CORIN: variants seen among roughly 807,000 people sequenced by gnomAD.
The protein encoded by CORIN is corin, serine peptidase.
Under a neutral mutation model 125.3 loss-of-function variants are expected in CORIN, and 117 were observed. The ratio of observed to expected loss-of-function variants is 0.93; its 90% CI spans 0.80 to 1.09. The LOEUF is 1.09. Among genes scored for constraint, CORIN ranks in the 50% least tolerant of loss-of-function variants. CORIN has a pLI of 0.00. For synonymous variants in CORIN, 450 were observed against 466.4 expected (o/e 0.96, Z 0.45); for missense variants, 1,253 against 1,306.7 (o/e 0.96, Z 0.63).
chr4:47,665,488 GACA>G (rs1311375388), intron 10 of CORIN, among the ~76,000 whole-genome samples: 1 of 152,148 alleles, frequency 6.6e-6, no homozygotes, highest in Non-Finnish European at 1.5e-5. Context: ...CTAGCACTGT[GACA>G]ACATCTTGCT....
chr4:47,834,882 C>G (rs1733302402), intron 1 of CORIN, among the ~76,000 whole-genome samples: 1 of 152,194 alleles, frequency 6.6e-6, no homozygotes, highest in African/African-American at 2.4e-5. Flanking sequence ...AGTGTCCTTA[C>G]CAGTGGTCAG....
chr4:47,622,863 A>G (rs539396724), intron 19 of CORIN, among the ~76,000 whole-genome samples: 1 of 152,152 alleles, frequency 6.6e-6, no homozygotes, highest in Non-Finnish European at 1.5e-5. Context: ...TTTGTTTGTC[A>G]TCATTGTTTT....
intron 3 of CORIN, among the ~76,000 whole-genome samples, chr4:47,774,709 G>C (rs1188147772): frequency 6.6e-6 from 1 of 152,090 alleles, no homozygotes; most frequent in Non-Finnish European, 1.5e-5. Flanking sequence ...TCATGTGCCA[G>C]ACTGTAAGAC....
intron 2 of CORIN, among the ~76,000 whole-genome samples, chr4:47,800,950 G>C (rs566594974): frequency 6.6e-6 from 1 of 152,116 alleles, no homozygotes; most frequent in African/African-American, 2.4e-5. Context: ...TTTCTCTTCA[G>C]AGTTCATCGA....
chr4:47,631,795 G>C (rs533296889), intron 16 of CORIN, among the ~76,000 whole-genome samples: 1 of 152,266 alleles, frequency 6.6e-6, no homozygotes, highest in South Asian at 2.1e-4. Flanking sequence ...AAATCATGGA[G>C]CCCAGGGCAA....
intron 1 of CORIN, among the ~76,000 whole-genome samples, chr4:47,828,639 A>G (rs1447848248): frequency 2.0e-5 from 3 of 152,194 alleles, no homozygotes; most frequent in African/African-American, 4.8e-5. Context: ...TTACATTTGC[A>G]AAGTCCCTTT....
At chr4:47,741,149 G>C (rs147919603) in intron 5 of CORIN, among the ~76,000 whole-genome samples, 1 of 151,898 alleles carries the variant, frequency 6.6e-6, no homozygotes, top group Non-Finnish European at 1.5e-5. Context: ...AACAGCCCCC[G>C]AAGAATGTAG....
intron 19 of CORIN, among the ~76,000 whole-genome samples, chr4:47,609,522 G>A (rs983345243): frequency 7.9e-5 from 12 of 152,148 alleles, no homozygotes; most frequent in Non-Finnish European, 1.5e-5. Context: ...TTATAGGTGT[G>A]AGCCACCGCA....
chr4:47,709,703 T>A (rs1307202447), intron 5 of CORIN, among the ~76,000 whole-genome samples: 9 of 152,242 alleles, frequency 5.9e-5, no homozygotes, highest in African/African-American at 1.7e-4. Flanking sequence ...ATAAGGTTTT[T>A]TTCTTACTCA....
intron 3 of CORIN, 121 bp downstream of exon 3, chr4:47,786,604 T>C (rs1296813727): frequency 1.1e-5 from 8 of 721,772 alleles, no homozygotes; most frequent in African/African-American, 1.8e-5. Flanking sequence ...ACCAGGAAAC[T>C]GAGTGGAGAT....
At chr4:47,660,093 A>ATG (rs1724176393) in intron 12 of CORIN, among the ~76,000 whole-genome samples, 1 of 152,244 alleles carries the variant, frequency 6.6e-6, no homozygotes, top group Admixed American at 6.5e-5. Flanking sequence ...GGGAAAGGAC[A>ATG]GTCTCTTCAG....
At chr4:47,803,611 C>T (rs1354068680) in intron 2 of CORIN, among the ~76,000 whole-genome samples, 2 of 152,168 alleles carry the variant, frequency 1.3e-5, no homozygotes, top group South Asian at 2.1e-4. Flanking sequence ...GCGGAAAGAA[C>T]AGTCTCTTCA....
intron 5 of CORIN, among the ~76,000 whole-genome samples, chr4:47,719,884 A>G (rs866325672): frequency 5.3e-5 from 8 of 152,214 alleles, no homozygotes; most frequent in Admixed American, 2.6e-4. Context: ...AATATTCTAT[A>G]TGCTATTTGG....
At chr4:47,825,229 C>T (rs1049352224) in intron 1 of CORIN, among the ~76,000 whole-genome samples, 1 of 152,100 alleles carries the variant, frequency 6.6e-6, no homozygotes, top group Non-Finnish European at 1.5e-5. Context: ...TGTAAGTGTC[C>T]GGATCAGCGA....
chr4:47,636,094 G>A (rs755024802), intron 16 of CORIN, among the ~76,000 whole-genome samples: 3 of 152,186 alleles, frequency 2.0e-5, no homozygotes, highest in Non-Finnish European at 4.4e-5. Flanking sequence ...TATAATAGAT[G>A]TTGTCTTTGT....
At chr4:47,769,650 A>G (rs1001572433) in intron 3 of CORIN, among the ~76,000 whole-genome samples, 29 of 152,154 alleles carry the variant, frequency 1.9e-4, no homozygotes, top group African/African-American at 7.0e-4. Flanking sequence ...TCAAAAAAGC[A>G]TGATATTGGG....
Position 47,837,896 on chromosome 4 carries a change from G to A in CORIN, c.54C>T (p.Ser18=). 1 of 1,613,724 alleles carries A rather than the reference G, an allele frequency of 6.2e-7. No homozygotes were observed. Among genetic ancestry groups the A allele is most frequent in the South Asian group, 1.1e-5 (1 of 91,058 alleles). ...APEERCRRAG[S]PKPVLRADDN... ...GAATCATCGATCTTACCGGCTTTGG[G>A]GACCCGGCTCTGCGGCAGCGCTCTT... Residue 18 remains serine, a synonymous_variant, in exon 1 of 22, where the codon TCC becomes TCT. Coordinates refer to ENST00000273857, the MANE Select transcript of CORIN (RefSeq NM_006587.4).
intron 5 of CORIN, among the ~76,000 whole-genome samples, chr4:47,730,693 G>A (rs755986665): frequency 3.9e-5 from 6 of 152,152 alleles, no homozygotes; most frequent in Admixed American, 1.3e-4. Context: ...GAACTCTCCC[G>A]TTTTACTATT....
intron 21 of CORIN, 49 bp from the exon 22 acceptor site, chr4:47,595,952 A>G (rs1416354553): frequency 1.9e-5 from 28 of 1,442,352 alleles, no homozygotes; most frequent in Non-Finnish European, 2.6e-5. Context: ...CAGGGCAGTA[A>G]TGTGTGTCCA....
Sources: gnomAD v4.1 joint callset for allele counts (sites outside exome capture counted in the v4.1 genomes callset) on GRCh38, gnomAD v4.1.1 for gene constraint, MANE v1.5 for transcripts, NCBI Gene and HGNC (gene_info 2026-07-23, HGNC 2026-07-21) for gene names.